Variants in NBEA observed in about 807,000 individuals in gnomAD.
NBEA encodes neurobeachin.
Under a neutral mutation model 343.4 loss-of-function variants are expected in NBEA, and 44 were observed. The observed-to-expected ratio is 0.13, with a 90% CI of 0.10 to 0.16. NBEA has a LOEUF of 0.16. Among genes scored for constraint, NBEA ranks in the 10% least tolerant of loss-of-function variants. NBEA has a pLI of 1.00. For missense variants in NBEA, 2,555 were observed against 3,631.3 expected (o/e 0.70, Z 7.62); for synonymous variants, 1,175 against 1,238.7 (o/e 0.95, Z 1.08).
chr13:35,267,066 A>G (rs923755294), intron 34 of NBEA, among the ~76,000 whole-genome samples: 3 of 151,996 alleles, frequency 2.0e-5, no homozygotes, highest in Non-Finnish European at 4.4e-5. Flanking sequence ...GTGGATCACT[A>G]TAAAGGTCTT....
intron 11 of NBEA, 68 bp from the exon 12 acceptor site, chr13:35,109,222 C>A: frequency 7.2e-7 from 1 of 1,394,384 alleles, no homozygotes; most frequent in Non-Finnish European, 9.6e-7. Flanking sequence ...TGTCCTTATG[C>A]TAAATCAGAA....
intron 36 of NBEA, among the ~76,000 whole-genome samples, chr13:35,328,469 A>G (rs1415377373): frequency 1.3e-5 from 2 of 151,896 alleles, no homozygotes; most frequent in Non-Finnish European, 2.9e-5. Flanking sequence ...GGCCAAAGTA[A>G]TTGTACATTT....
chr13:35,576,308 G>A (rs1459790523), intron 45 of NBEA, among the ~76,000 whole-genome samples: 2 of 151,432 alleles, frequency 1.3e-5, no homozygotes, highest in African/African-American at 4.9e-5. Flanking sequence ...GTAGAGATGG[G>A]GTTTCATCAT....
At chr13:35,362,034 C>G (rs2040835922) in intron 38 of NBEA, among the ~76,000 whole-genome samples, 1 of 151,806 alleles carries the variant, frequency 6.6e-6, no homozygotes, top group African/African-American at 2.4e-5. Flanking sequence ...GTGAATTTTA[C>G]TATATGTAAA....
chr13:34,958,051 TTAA>T (rs1245552958), intron 1 of NBEA, among the ~76,000 whole-genome samples: 1 of 152,070 alleles, frequency 6.6e-6, no homozygotes, highest in African/African-American at 2.4e-5. Flanking sequence ...ATATATCTTA[TTAA>T]TAATGTTTTA....
chr13:34,964,269 T>G (rs1214503632), intron 1 of NBEA, among the ~76,000 whole-genome samples: 1 of 151,996 alleles, frequency 6.6e-6, no homozygotes, highest in Non-Finnish European at 1.5e-5. Context: ...TTAAATATAT[T>G]GAAGCTTTGA....
chr13:35,159,847 G>C lies in NBEA; in HGVS notation c.3676G>C (p.Ala1226Pro), dbSNP rs767507034. ...GMSSISERDL[A>P]SSTKGLEYAE... Reference sequence around the variant, plus strand: ...GAGCAGTATTTCTGAAAGAGACTTAGCGTCATCAACTAAGGGGCTGGAGTA... The same window carrying C: ...GAGCAGTATTTCTGAAAGAGACTTACCGTCATCAACTAAGGGGCTGGAGTA... The change falls in exon 22 of 59, where the codon GCG (alanine) becomes CCG (proline). Residue 1226 changes from alanine (A) to proline (P), a missense_variant. By Grantham distance (27) the Ala-to-Pro change is conservative. This residue lies in a region of NBEA where 367 missense variants were observed against 377.5 expected (regional missense o/e 0.97). Coordinates refer to ENST00000379939, the MANE Select transcript of NBEA (RefSeq NM_001385012.1). The C allele has an allele frequency of 3.7e-6, 6 of 1,607,840 alleles. No individual in the cohort carries two copies. Among genetic ancestry groups the C allele is most frequent in the Non-Finnish European group, 4.2e-6 (5 of 1,176,796 alleles).
chr13:35,332,954 G>T (rs1330753963), intron 36 of NBEA, among the ~76,000 whole-genome samples: 2 of 152,056 alleles, frequency 1.3e-5, no homozygotes, highest in Non-Finnish European at 2.9e-5. Context: ...CTCAGTATAT[G>T]CCTAAAGTAA....
At chr13:35,177,625 C>G (rs1212264297) in intron 28 of NBEA, among the ~76,000 whole-genome samples, 1 of 151,716 alleles carries the variant, frequency 6.6e-6, no homozygotes, top group East Asian at 1.9e-4. Context: ...TTCATGGAAC[C>G]CTCCAATCTT....
chr13:35,504,280 T>G (rs773743717), intron 41 of NBEA, among the ~76,000 whole-genome samples: 8 of 152,186 alleles, frequency 5.3e-5, no homozygotes, highest in Non-Finnish European at 1.2e-4. Flanking sequence ...AAGCAAAATT[T>G]GGCCTAAAGC....
chr13:35,483,317 G>T (rs1447288327), intron 41 of NBEA, among the ~76,000 whole-genome samples: 3 of 151,860 alleles, frequency 2.0e-5, no homozygotes, highest in Non-Finnish European at 2.9e-5. Flanking sequence ...AGGCATATTT[G>T]TAATGTTTCT....
chr13:35,546,848 C>T lies in NBEA; in HGVS notation c.6586-3629C>T, dbSNP rs201319125. ...GATTACAGGCGTGAGCCACCGCTCC[C>T]GGCCTAAAATTTTTTTAAATAAAAA... On this transcript the variant is annotated intron_variant, in intron 41 of 58. Coordinates refer to ENST00000379939, the MANE Select transcript of NBEA (RefSeq NM_001385012.1). Among the ~76,000 whole-genome samples the T allele has an allele frequency of 1.1e-4, 16 of 152,128 alleles. No individual in the cohort carries two copies. The East Asian group carries it at 2.3e-3, about 22-fold the overall frequency.
chr13:35,581,736 G>A lies in NBEA; in HGVS notation c.7036-2162G>A. ...CATCACACTCTGGGGACTGTTGTGG[G>A]GTGGGGGGAGGGGGGAGGGATAGCA... On this transcript the variant is annotated intron_variant, in intron 45 of 58. Coordinates refer to ENST00000379939, the MANE Select transcript of NBEA (RefSeq NM_001385012.1). Among the ~76,000 whole-genome samples the A allele has an allele frequency of 1.8e-5, 2 of 112,684 alleles. 1 individual carries two copies. Among genetic ancestry groups the A allele is most frequent in the South Asian group, 7.3e-4 (2 of 2,726 alleles). 73.9% of individuals were successfully genotyped at this position (112,684 alleles called of 152,430 possible). A position where few individuals can be genotyped will look rare whatever the true frequency, so the allele number is the denominator to read the frequency against.
At position 35,477,670 on chromosome 13, in the gene NBEA, T is replaced by A. The variant is rs148117551; in HGVS notation, c.6585+5134T>A. Among the ~76,000 whole-genome samples the A allele has an allele frequency of 4.8e-3, 736 of 152,276 alleles. 5 individuals carry two copies. Among genetic ancestry groups the A allele is most frequent in the African/African-American group, 0.016 (673 of 41,540 alleles). On this transcript the variant is annotated intron_variant, in intron 41 of 58. Transcript: ENST00000379939. The stretch of plus-strand genomic sequence containing the variant: ...TTACAGATGTATAATTAAGGATATA[T>A]CTCCTGTCTTAAGTGTCCTTAAGTG...
chr13:35,615,632 A>C (rs1353506877), intron 48 of NBEA, among the ~76,000 whole-genome samples: 1 of 152,180 alleles, frequency 6.6e-6, no homozygotes, highest in East Asian at 1.9e-4. Context: ...GGCCTGAGCC[A>C]CCATGCTCGG....
intron 34 of NBEA, among the ~76,000 whole-genome samples, chr13:35,274,438 C>T (rs1279926511): frequency 6.6e-6 from 1 of 152,136 alleles, no homozygotes; most frequent in Non-Finnish European, 1.5e-5. Flanking sequence ...GAAGCATTCC[C>T]TTTGACAACT....
chr13:35,045,079 T>G (rs1266999372), intron 3 of NBEA, 32 bp downstream of exon 3: 3 of 1,541,776 alleles, frequency 1.9e-6, no homozygotes, highest in Non-Finnish European at 2.7e-6. Context: ...AGGTATTCAG[T>G]ATCAGTCCAT....
chr13:35,521,075 C>T (rs2077689760), intron 41 of NBEA, among the ~76,000 whole-genome samples: 1 of 151,988 alleles, frequency 6.6e-6, no homozygotes, highest in African/African-American at 2.4e-5. Context: ...TGTTGGAGGC[C>T]TTGTTTTGGT....
rs555606500 is a variant in NBEA, at chr13:35,100,755, C to T, written c.1680+2350C>T. On this transcript the variant is annotated intron_variant, in intron 11 of 58. Coordinates refer to ENST00000379939, the MANE Select transcript of NBEA (RefSeq NM_001385012.1). Reference sequence around the variant, plus strand: ...TATTTCATTGTGGTTTTAATTTGCACTTTTCCTAGATTTCGAATAAGATTA... The same window carrying T: ...TATTTCATTGTGGTTTTAATTTGCATTTTTCCTAGATTTCGAATAAGATTA... Among the ~76,000 whole-genome samples, 7 of 151,906 alleles carry T rather than the reference C, an allele frequency of 4.6e-5. No homozygotes were observed. In the East Asian group the frequency reaches 1.3e-3, roughly 29 times the overall value.
Sources: allele counts gnomAD v4.1 joint callset (sites outside exome capture counted in the v4.1 genomes callset), GRCh38; gene constraint gnomAD v4.1.1; regional missense constraint gnomAD v4.1.1; transcripts MANE v1.5; gene names NCBI Gene and HGNC (gene_info 2026-07-23, HGNC 2026-07-21).